TCF7L2: variants seen among roughly 807,000 people sequenced by gnomAD.
TCF7L2 encodes transcription factor 7-like 2.
A neutral mutation model predicts 77.9 loss-of-function variants in TCF7L2; 23 were observed. The ratio of observed to expected loss-of-function variants is 0.30; its 90% CI spans 0.21 to 0.42. TCF7L2 has a LOEUF of 0.42. Ranked by LOEUF, TCF7L2 falls within the 10% of genes least tolerant of loss-of-function variation. The pLI is 1.00. For synonymous variants in TCF7L2, 413 were observed against 340.2 expected, an observed-to-expected ratio of 1.21 and a Z score of -2.36; for missense variants, 654 against 793.1, an observed-to-expected ratio of 0.82 and a Z score of 2.11.
At chr10:113,131,585 G>C (rs145560436) in intron 5 of TCF7L2, among the ~76,000 whole-genome samples, 95 of 152,270 alleles carry the variant, frequency 6.2e-4, no homozygotes, top group African/African-American at 2.1e-3. Context: ...CACTATTCTT[G>C]ATGTCTTAGG....
intron 5 of TCF7L2, among the ~76,000 whole-genome samples, chr10:113,084,910 C>CAA (rs1166429283): frequency 7.3e-6 from 1 of 136,892 alleles, no homozygotes; most frequent in African/African-American, 2.7e-5. Flanking sequence ...CACCCCCCCC[C>CAA]AAAAAAAAAA....
chr10:113,131,013 G>A (rs184134155), intron 5 of TCF7L2, among the ~76,000 whole-genome samples: 4 of 152,182 alleles, frequency 2.6e-5, no homozygotes, highest in African/African-American at 4.8e-5. Context: ...TGATCCGCCC[G>A]TCTCGGTCTC....
chr10:112,992,787 G>C (rs1448404399), intron 4 of TCF7L2, among the ~76,000 whole-genome samples: 2 of 149,926 alleles, frequency 1.3e-5, no homozygotes, highest in Non-Finnish European at 3.0e-5. Context: ...TTTTTGAGAC[G>C]GAGTCTCACT....
chr10:113,148,756 G>A (rs115640079), intron 8 of TCF7L2, among the ~76,000 whole-genome samples: 2,020 of 152,272 alleles, frequency 0.013, 45 homozygotes, highest in African/African-American at 0.045. Context: ...TTTCTTAAGC[G>A]AAGGTATGTG....
intron 4 of TCF7L2, among the ~76,000 whole-genome samples, chr10:113,014,182 C>CTG (rs1227712869): frequency 2.0e-4 from 30 of 152,312 alleles, no homozygotes; most frequent in African/African-American, 7.0e-4. Context: ...CGGCATTCAG[C>CTG]TGAAACAGTG....
chr10:113,110,487 T>C (rs966591855), intron 5 of TCF7L2, among the ~76,000 whole-genome samples: 1 of 151,738 alleles, frequency 6.6e-6, no homozygotes, highest in Non-Finnish European at 1.5e-5. Flanking sequence ...TGGTTCTATA[T>C]ATTTATACGT....
intron 5 of TCF7L2, among the ~76,000 whole-genome samples, chr10:113,042,731 A>AT (rs945706172): frequency 8.5e-5 from 13 of 152,332 alleles, no homozygotes; most frequent in African/African-American, 3.1e-4. Flanking sequence ...TTGAGGATGC[A>AT]TACACCTTGA....
chr10:113,091,274 G>A lies in TCF7L2; in HGVS notation c.553-49910G>A, dbSNP rs932291576. On this transcript the variant is annotated intron_variant, in intron 5 of 13. Coordinates refer to ENST00000627217, the MANE Select transcript of TCF7L2 (RefSeq NM_001146274.2). ...TATGCACAGACCTTAAAAGCGTTTC[G>A]CAAAATTGGTATTATACCTCATACG... Among the ~76,000 whole-genome samples, 6 of 152,118 alleles carry A rather than the reference G, an allele frequency of 3.9e-5. No individual in the cohort carries two copies. In the East Asian group the frequency reaches 5.8e-4, roughly 15 times the overall value.
intron 5 of TCF7L2, among the ~76,000 whole-genome samples, chr10:113,063,839 G>A (rs1172322736): frequency 6.6e-6 from 1 of 152,060 alleles, no homozygotes; most frequent in African/African-American, 2.4e-5. Flanking sequence ...GGCCAGGCAT[G>A]AGGAAGAGTA....
At chr10:113,063,812 T>C (rs2056849272) in intron 5 of TCF7L2, among the ~76,000 whole-genome samples, 1 of 151,790 alleles carries the variant, frequency 6.6e-6, no homozygotes, top group Non-Finnish European at 1.5e-5. Flanking sequence ...AGAGATCTGG[T>C]AAATGTTAAA....
chr10:113,139,059 A>G (rs998775251), intron 5 of TCF7L2, among the ~76,000 whole-genome samples: 3 of 151,860 alleles, frequency 2.0e-5, no homozygotes, highest in Non-Finnish European at 2.9e-5. Flanking sequence ...CTTAGTAATC[A>G]TCTTCCCTTC....
chr10:113,146,219 A>T (rs368064863), intron 8 of TCF7L2, 122 bp downstream of exon 8: 1 of 895,550 alleles, frequency 1.1e-6, no homozygotes, highest in Non-Finnish European at 1.8e-6. Context: ...TGTAAAGCCA[A>T]TGTGGCATTA....
chr10:113,160,344 T>G (rs2072950553), intron 12 of TCF7L2, among the ~76,000 whole-genome samples: 1 of 152,008 alleles, frequency 6.6e-6, no homozygotes, highest in Non-Finnish European at 1.5e-5. Flanking sequence ...CCTTCTCCCC[T>G]CCTCTTCTCT....
chr10:113,109,443 G>T (rs1225632445), intron 5 of TCF7L2, among the ~76,000 whole-genome samples: 1 of 152,188 alleles, frequency 6.6e-6, no homozygotes, highest in Non-Finnish European at 1.5e-5. Context: ...CCAGGCTGGA[G>T]TGCAGTGGTG....
chr10:113,104,941 G>C (rs1773760011), intron 5 of TCF7L2, among the ~76,000 whole-genome samples: 1 of 152,200 alleles, frequency 6.6e-6, no homozygotes, highest in African/African-American at 2.4e-5. Context: ...ATATCAGATT[G>C]CTGGCTGATA....
chr10:113,022,909 C>T (rs2048482464), intron 4 of TCF7L2, among the ~76,000 whole-genome samples: 1 of 152,156 alleles, frequency 6.6e-6, no homozygotes, highest in African/African-American at 2.4e-5. Context: ...GATGTCAGCA[C>T]TTGGCATGTA....
intron 5 of TCF7L2, among the ~76,000 whole-genome samples, chr10:113,075,373 C>G (rs937188011): frequency 1.3e-5 from 2 of 151,736 alleles, no homozygotes; most frequent in Non-Finnish European, 1.5e-5. Context: ...GCAGGAGAAT[C>G]GCTTGAACCT....
intron 11 of TCF7L2, among the ~76,000 whole-genome samples, chr10:113,152,966 T>C (rs901087079): frequency 6.6e-6 from 1 of 152,228 alleles, no homozygotes; most frequent in Admixed American, 6.5e-5. Flanking sequence ...TATTTCATCC[T>C]GAGAGGAGCA....
intron 6 of TCF7L2, among the ~76,000 whole-genome samples, chr10:113,142,917 TAGAG>T (rs2068640922): frequency 6.6e-6 from 1 of 152,252 alleles, no homozygotes; most frequent in Non-Finnish European, 1.5e-5. Flanking sequence ...GTTTTTGTAA[TAGAG>T]AGAAAGCAAT....
Sources: allele counts gnomAD v4.1 joint callset (sites outside exome capture counted in the v4.1 genomes callset), GRCh38; gene constraint gnomAD v4.1.1; transcripts MANE v1.5; gene names NCBI Gene and HGNC (gene_info 2026-07-23, HGNC 2026-07-21).